PNPLA7: variants seen among roughly 807,000 people sequenced by gnomAD.
PNPLA7 encodes patatin-like phospholipase domain-containing protein 7.
In PNPLA7, 153 loss-of-function variants were observed where a neutral mutation model predicts 161.7. The observed-to-expected ratio is 0.95, with a 90% confidence interval of 0.83 to 1.08. The LOEUF is 1.08. PNPLA7 is among the 50% of genes least tolerant of loss of function. The probability of loss-of-function intolerance (pLI) is 0.00; values close to 1 mark genes in which losing one functional copy is unlikely to be tolerated. For synonymous variants in PNPLA7, 809 were observed against 782.1 expected, an observed-to-expected ratio of 1.03 and a Z score of -0.57; for missense variants, 1,739 against 1,856.6, an observed-to-expected ratio of 0.94 and a Z score of 1.16.
rs1228783491 is a variant in PNPLA7 at position 137,462,470 on chromosome 9, C to T, written c.3493-139G>A. On this transcript the variant is annotated intron_variant, in intron 30 of 34. Transcript: ENST00000406427. ...GGGGGAGAGGGTAGCAGCACCCGGC[C>T]GGGGGTCCTCCCTGCGGGCTGCCAC... The T allele has an allele frequency of 3.4e-5, 48 of 1,427,682 alleles. 1 individual carries two copies. In the South Asian group the frequency reaches 3.7e-4, roughly 11 times the overall value. 88.4% of individuals were successfully genotyped at this position (1,427,682 alleles called of 1,614,324 possible).
At position 137,480,987 on chromosome 9, in the gene PNPLA7, C is replaced by T. The variant is rs1461587596; in HGVS notation, c.2384G>A (p.Arg795Gln). The change falls in exon 22 of 35, where the codon CGG becomes CAG. Residue 795 changes from arginine to glutamine, a missense_variant. Coordinates refer to ENST00000406427, the MANE Select transcript of PNPLA7 (RefSeq NM_001098537.3). ...TLLLTSDNIK[R>Q]RLGSAALDSV... is the part of the protein sequence containing the mutation. ...GTCCAGGGCAGCGGAGCCAAGGCGCCGTTTTATGTTGTCACTAGTCAGCAG... is the reference window on the plus strand; with the variant it reads ...GTCCAGGGCAGCGGAGCCAAGGCGCTGTTTTATGTTGTCACTAGTCAGCAG... The T allele has an allele frequency of 1.4e-5, 22 of 1,551,516 alleles. No homozygotes were observed. Among genetic ancestry groups the T allele is most frequent in the Admixed American group, 5.9e-5 (3 of 50,986 alleles).
chr9:137,543,577 A>G lies in PNPLA7; in HGVS notation c.366-5T>C. On this transcript the variant is annotated splice_polypyrimidine_tract_variant and splice_region_variant and intron_variant, in intron 5 of 34. Coordinates refer to ENST00000406427, the MANE Select transcript of PNPLA7 (RefSeq NM_001098537.3). The surrounding 1 kb of genome is among the most constrained non-coding windows in gnomAD (Gnocchi z 6.9). ...TCCTTCTTGAAACGCAGAATCCTACAAGGCAGAGACACACTAGCCTTGAGC... is the reference window on the plus strand; with the variant it reads ...TCCTTCTTGAAACGCAGAATCCTACGAGGCAGAGACACACTAGCCTTGAGC... 1.2e-6 allele frequency: 2 copies of G among 1,610,750 alleles called. No homozygotes were observed. The highest frequency in any genetic ancestry group is 1.7e-5 in the Admixed American group (1 of 59,760).
In PNPLA7 at chr9:137,460,573, A is replaced by T. The variant is rs56224430; in HGVS notation, c.3945+61T>A. The T allele has an allele frequency of 1.3e-3, 2,101 of 1,594,556 alleles. 18 individuals are homozygous for T. The African/African-American group carries it at 0.015, about 11-fold the overall frequency. ...GGACCACAGGGAGGGAGTGGCCGGC[A>T]CAGGGCCAGGCACCAAGGCTCAGCT... On this transcript the variant is annotated intron_variant, in intron 34 of 34. Coordinates refer to ENST00000406427, the MANE Select transcript of PNPLA7 (RefSeq NM_001098537.3).
rs1025544936 is a variant in PNPLA7, at chr9:137,491,909, G to A, written c.2197+1104C>T. ...GGAAAGGGAGCTGAGAGTGCTGGGC[G>A]GATGGGGAGGCCAGGGAGGCTGTGC... On this transcript the variant is annotated intron_variant, in intron 20 of 34. Transcript: ENST00000406427. 38 of 985,334 alleles carry A rather than the reference G, an allele frequency of 3.9e-5. No individual in the cohort carries two copies. The South Asian group carries it at 5.6e-4, about 15-fold the overall frequency. 61.0% of individuals were successfully genotyped at this position (985,334 alleles called of 1,614,324 possible). A position where few individuals can be genotyped will look rare whatever the true frequency, so the allele number is the denominator to read the frequency against.
At chr9:137,492,426 A>T in intron 20 of PNPLA7, 7 of 143,424 alleles carry the variant, frequency 4.9e-5, no homozygotes, top group South Asian at 2.5e-4. Flanking sequence ...TTTGAAAAAA[A>T]TTACTGGGCT....
At chr9:137,502,321 T>C (rs895267841) in intron 14 of PNPLA7, among the ~76,000 whole-genome samples, 1 of 151,966 alleles carries the variant, frequency 6.6e-6, no homozygotes. Flanking sequence ...TCCACAGTGA[T>C]GATGAAATAA....
At chr9:137,473,878 C>T (rs992316990) in intron 25 of PNPLA7, among the ~76,000 whole-genome samples, 3 of 152,160 alleles carry the variant, frequency 2.0e-5, no homozygotes, top group Admixed American at 6.5e-5. Flanking sequence ...AACTGCCCCA[C>T]GACCGGGCAC....
intron 8 of PNPLA7, among the ~76,000 whole-genome samples, chr9:137,535,343 A>G (rs188303294): frequency 7.9e-5 from 12 of 152,358 alleles, no homozygotes; most frequent in African/African-American, 2.6e-4. Context: ...ACAGAGAAGA[A>G]AAACTCAGGT....
chr9:137,539,689 C>A (rs1292845336), intron 8 of PNPLA7, among the ~76,000 whole-genome samples: 1 of 152,206 alleles, frequency 6.6e-6, no homozygotes, highest in Non-Finnish European at 1.5e-5. Flanking sequence ...TAATGTTGGG[C>A]ACATGGGGTG....
At chr9:137,546,937 G>T (rs1293042184) in intron 3 of PNPLA7, 28 bp from the exon 4 acceptor site, 1 of 1,608,730 alleles carries the variant, frequency 6.2e-7, no homozygotes, top group African/African-American at 1.3e-5. Context: ...GATGGCCTGA[G>T]GTAGAGCCGT....
intron 25 of PNPLA7, among the ~76,000 whole-genome samples, chr9:137,471,520 C>T (rs1016002368): frequency 4.6e-5 from 7 of 151,246 alleles, no homozygotes; most frequent in Admixed American, 4.6e-4. Flanking sequence ...ATTGCTTGAA[C>T]CCGGGAGGTG....
chr9:137,547,646 A>G lies in PNPLA7; in HGVS notation c.44T>C (p.Leu15Pro), dbSNP rs1836611955. ...KDDSPQADFCLGTALHSWGLW... is the reference protein window; with the variant it reads ...KDDSPQADFCPGTALHSWGLW... ...TCCCCAAGAGTGCAGGGCGGTGCCC[A>G]GGCAGAAGTCAGCCTGCAGCAGAGA... is the stretch of plus-strand genomic sequence containing the variant. The change falls in exon 2 of 35, where the codon CTG becomes CCG. Residue 15 changes from leucine (L) to proline (P), a missense_variant. Around this residue, in one of 6 missense-constraint regions of PNPLA7, gnomAD observed 209 missense variants for 252.8 expected, o/e 0.83. Coordinates refer to ENST00000406427, the MANE Select transcript of PNPLA7 (RefSeq NM_001098537.3). This position sits in a 1 kb window ranked among gnomAD's most constrained non-coding sequence, Gnocchi z 4.6. 1 of 1,612,908 alleles carries G rather than the reference A, an allele frequency of 6.2e-7. No homozygotes were observed. Among genetic ancestry groups the G allele is most frequent in the Non-Finnish European group, 8.5e-7 (1 of 1,179,854 alleles).
chr9:137,537,203 C>T lies in PNPLA7; in HGVS notation c.747+3439G>A, dbSNP rs1417663679. On this transcript the variant is annotated intron_variant, in intron 8 of 34. Transcript: ENST00000406427. The surrounding 1 kb of genome is among the most constrained non-coding windows in gnomAD (Gnocchi z 4.5). ...TTTAGAATCTGTCCATGTTATTTTGCAAGAATTTAAGTTTTGTTAAAATGA... is the reference window on the plus strand; with the variant it reads ...TTTAGAATCTGTCCATGTTATTTTGTAAGAATTTAAGTTTTGTTAAAATGA... Among the ~76,000 whole-genome samples the T allele has an allele frequency of 6.6e-6, 1 of 152,142 alleles. No homozygotes were observed. The highest frequency in any genetic ancestry group is 1.5e-5 in the Non-Finnish European group (1 of 68,022).
Position 137,546,004 on chromosome 9 carries a change from GGT to G in PNPLA7, c.273+824_273+825del, listed in dbSNP as rs1259333709. Among the ~76,000 whole-genome samples the G allele has an allele frequency of 6.1e-4, 93 of 152,248 alleles. 1 individual carries two copies. In the East Asian group the frequency reaches 0.012, roughly 20 times the overall value. On this transcript the variant is annotated intron_variant, in intron 4 of 34. Transcript: ENST00000406427. ...CCTGTGGAGGGCCTGACATCAGTCA[GGT>G]TCGCCCGCAGTTATCCGGAGGCCTA... is the stretch of plus-strand genomic sequence containing the variant.
At chr9:137,528,010 C>T (rs1478031915) in intron 8 of PNPLA7, among the ~76,000 whole-genome samples, 2 of 152,134 alleles carry the variant, frequency 1.3e-5, no homozygotes, top group African/African-American at 2.4e-5. Context: ...ATTTAATCTG[C>T]GTGGCTGATT....
chr9:137,530,704 G>C (rs948262429), intron 8 of PNPLA7, among the ~76,000 whole-genome samples: 1 of 152,164 alleles, frequency 6.6e-6, no homozygotes, highest in African/African-American at 2.4e-5. Flanking sequence ...ATTTATTTTA[G>C]TTAAAAATAA....
At position 137,540,658 on chromosome 9, in the gene PNPLA7, A is replaced by G. The variant is rs1457781219; in HGVS notation, c.731T>C (p.Ile244Thr). 1.7e-5 allele frequency: 28 copies of G among 1,612,046 alleles called. No individual in the cohort carries two copies. The highest frequency in any genetic ancestry group is 2.4e-5 in the Non-Finnish European group (28 of 1,179,460). ...GGGACTCACGGTGATGATGTCCAGG[A>G]TGCTGAGCAGGCTGTGGACGCTGTC... ...AGDSVHSLLSILDIITGHAAP... is the reference protein window; with the variant it reads ...AGDSVHSLLSTLDIITGHAAP... The change falls in exon 8 of 35, where the codon ATC becomes ACC. Residue 244 changes from isoleucine to threonine, a missense_variant. By Grantham distance (89) the Ile-to-Thr change is moderately conservative. Coordinates refer to ENST00000406427, the MANE Select transcript of PNPLA7 (RefSeq NM_001098537.3). This position sits in a 1 kb window ranked among gnomAD's most constrained non-coding sequence, Gnocchi z 5.1.
chr9:137,461,923 G>A lies in PNPLA7; in HGVS notation c.3756+8C>T, dbSNP rs1831224376. 17 of 1,557,974 alleles carry A rather than the reference G, an allele frequency of 1.1e-5. No individual in the cohort carries two copies. Among genetic ancestry groups the A allele is most frequent in the East Asian group, 7.2e-5 (3 of 41,942 alleles). On this transcript the variant is annotated splice_region_variant and intron_variant, in intron 32 of 34. Transcript: ENST00000406427. ...GGAGCTGGGCGTGGTCCGGACGCCC[G>A]TACTCACCGCACTCGCGGGCTTCTT...
chr9:137,532,162 C>T (rs1056886368), intron 8 of PNPLA7, among the ~76,000 whole-genome samples: 5 of 152,210 alleles, frequency 3.3e-5, no homozygotes, highest in African/African-American at 7.2e-5. Context: ...TTGGGCCAGG[C>T]ACGGTGGTTC....
Sources: allele counts gnomAD v4.1 joint callset (sites outside exome capture counted in the v4.1 genomes callset), GRCh38; gene constraint gnomAD v4.1.1; regional missense constraint gnomAD v4.1.1; non-coding constraint Gnocchi (gnomAD v3.1); transcripts MANE v1.5; gene names NCBI Gene and HGNC (gene_info 2026-07-23, HGNC 2026-07-21).